Variants in MGAT4A observed in about 807,000 individuals in gnomAD.
MGAT4A encodes alpha-1,3-mannosyl-glycoprotein 4-beta-N-acetylglucosaminyltransferase A.
A neutral mutation model predicts 74.1 loss-of-function variants in MGAT4A; 33 were observed. The ratio of observed to expected loss-of-function variants is 0.45; its 90% CI spans 0.34 to 0.60. The LOEUF is 0.60. Among genes scored for constraint, MGAT4A ranks in the 20% least tolerant of loss-of-function variants. The probability of loss-of-function intolerance (pLI) is 0.02; values close to 1 mark genes in which losing one functional copy is unlikely to be tolerated. For synonymous variants in MGAT4A, 198 were observed against 210.4 expected (o/e 0.94, Z 0.51); for missense variants, 479 against 628.3 (o/e 0.76, Z 2.54).
chr2:98,665,807 C>T (rs1458257002), intron 4 of MGAT4A, among the ~76,000 whole-genome samples: 2 of 152,162 alleles, frequency 1.3e-5, no homozygotes, highest in Non-Finnish European at 2.9e-5. Flanking sequence ...GAGCTGGTAA[C>T]CATGAGAAAG....
intron 9 of MGAT4A, among the ~76,000 whole-genome samples, 185 bp downstream of exon 9, chr2:98,645,243 C>G (rs961643786): frequency 1.3e-5 from 2 of 152,146 alleles, no homozygotes; most frequent in African/African-American, 4.8e-5. Context: ...TTAGAAGTCT[C>G]CAAATTCTAT....
intron 2 of MGAT4A, among the ~76,000 whole-genome samples, chr2:98,724,721 C>G (rs1209247521): frequency 6.6e-6 from 1 of 151,084 alleles, no homozygotes; most frequent in East Asian, 1.9e-4. Context: ...TGCCATCTTT[C>G]AAATAAGGCA....
rs1701105429 is a variant in MGAT4A, at chr2:98,624,133, C to T, written c.*1433G>A. The T allele has an allele frequency of 1.5e-6, 1 of 680,824 alleles. No homozygotes were observed. The highest frequency in any genetic ancestry group is 1.8e-6 in the Non-Finnish European group (1 of 551,726). The allele number at this position is 680,824 out of a possible 1,614,324, so 42.2% of individuals were successfully genotyped here. The stretch of plus-strand genomic sequence containing the variant: ...GTTCACGCCATTCTCCTGCCTCAGC[C>T]TCCCAAGTAGCTGGGATTACAGGCA... On this transcript the variant is annotated 3_prime_UTR_variant, in exon 16 of 16. Transcript: ENST00000393487.
intron 14 of MGAT4A, among the ~76,000 whole-genome samples, chr2:98,627,919 T>C (rs755018017): frequency 2.6e-5 from 4 of 152,224 alleles, no homozygotes; most frequent in Non-Finnish European, 2.9e-5. Context: ...TTTTGTTCAA[T>C]GACATATGAC....
intron 2 of MGAT4A, among the ~76,000 whole-genome samples, chr2:98,681,471 T>C (rs1308788332): frequency 3.3e-5 from 5 of 152,192 alleles, no homozygotes; most frequent in South Asian, 4.1e-4. Context: ...CCATGTGTTA[T>C]ATGGTTTCAG....
At chr2:98,676,256 C>G (rs188037150) in intron 3 of MGAT4A, among the ~76,000 whole-genome samples, 101 of 152,052 alleles carry the variant, frequency 6.6e-4, no homozygotes, top group Non-Finnish European at 1.2e-3. Context: ...TAATCTCATG[C>G]GTAAAGAAAC....
At chr2:98,709,002 G>A (rs912936908) in intron 2 of MGAT4A, among the ~76,000 whole-genome samples, 7 of 152,158 alleles carry the variant, frequency 4.6e-5, no homozygotes, top group Non-Finnish European at 1.0e-4. Flanking sequence ...CCTGAGAGCC[G>A]ATTCAGGCTG....
At chr2:98,638,571 T>C (rs571039491) in intron 12 of MGAT4A, among the ~76,000 whole-genome samples, 1 of 152,360 alleles carries the variant, frequency 6.6e-6, no homozygotes, top group East Asian at 1.9e-4. Context: ...GCTCTCTGAG[T>C]GGTAAACAAT....
Position 98,718,281 on chromosome 2 carries a change from T to G in MGAT4A, c.94+7958A>C, listed in dbSNP as rs190772836. Among the ~76,000 whole-genome samples the G allele has an allele frequency of 5.9e-5, 9 of 152,336 alleles. No individual in the cohort carries two copies. In the East Asian group the frequency reaches 1.7e-3, roughly 29 times the overall value. ...GGTGCATCTAATGGTGTATTAAATT[T>G]GATGAAATCTGGTAATGAATAAAGC... is the stretch of plus-strand genomic sequence containing the variant. On this transcript the variant is annotated intron_variant, in intron 2 of 15. Transcript: ENST00000393487.
chr2:98,643,788 G>A, intron 10 of MGAT4A, 135 bp downstream of exon 10: 1 of 826,982 alleles, frequency 1.2e-6, no homozygotes, highest in Non-Finnish European at 1.7e-6. Context: ...TTCTAATATA[G>A]AAACTTTTTA....
intron 2 of MGAT4A, 175 bp downstream of exon 2, chr2:98,726,063 GA>G (rs1702758921): frequency 2.1e-6 from 1 of 481,936 alleles, no homozygotes; most frequent in Non-Finnish European, 3.7e-6. Context: ...ACTGGAATTA[GA>G]AATTCTGTGT....
intron 12 of MGAT4A, among the ~76,000 whole-genome samples, chr2:98,638,896 C>T (rs995820118): frequency 3.9e-5 from 6 of 152,230 alleles, no homozygotes; most frequent in African/African-American, 1.4e-4. Context: ...AAAGGAAACA[C>T]CACAGAGTGG....
At chr2:98,713,285 A>T (rs933236514) in intron 2 of MGAT4A, among the ~76,000 whole-genome samples, 8 of 151,924 alleles carry the variant, frequency 5.3e-5, no homozygotes, top group South Asian at 2.1e-4. Context: ...AAGATACAGA[A>T]TCTACTTTTC....
At chr2:98,694,930 AC>A (rs574752555) in intron 2 of MGAT4A, 6 of 149,694 alleles carry the variant, frequency 4.0e-5, no homozygotes, top group South Asian at 2.1e-4. Context: ...GAGAGATGCA[AC>A]CCCCCCCTTC....
At chr2:98,715,962 G>A (rs1486199993) in intron 2 of MGAT4A, among the ~76,000 whole-genome samples, 3 of 152,178 alleles carry the variant, frequency 2.0e-5, no homozygotes, top group Admixed American at 1.3e-4. Flanking sequence ...CCAAGTGATC[G>A]AAGCAAACAT....
At position 98,622,850 on chromosome 2, in the gene MGAT4A, G is replaced by T; in HGVS notation, c.*2716C>A. ...GAGTATGGCAACGACAGCAGGGAGA[G>T]GGAGTTAAGAGAGAGAAAGGGGGCT... On this transcript the variant is annotated 3_prime_UTR_variant, in exon 16 of 16. Coordinates refer to ENST00000393487, the MANE Select transcript of MGAT4A (RefSeq NM_012214.3). 4 of 985,662 alleles carry T rather than the reference G, an allele frequency of 4.1e-6. No homozygotes were observed. The highest frequency in any genetic ancestry group is 4.8e-6 in the Non-Finnish European group (4 of 830,202). 61.1% of individuals were successfully genotyped at this position (985,662 alleles called of 1,614,324 possible).
intron 10 of MGAT4A, among the ~76,000 whole-genome samples, chr2:98,641,160 A>C (rs957641045): frequency 2.0e-5 from 3 of 151,982 alleles, no homozygotes; most frequent in Non-Finnish European, 4.4e-5. Context: ...ATTTATTTAG[A>C]CTTTTCATTT....
At chr2:98,628,595 T>C (rs781755351) in intron 14 of MGAT4A, among the ~76,000 whole-genome samples, 5 of 152,228 alleles carry the variant, frequency 3.3e-5, no homozygotes, top group African/African-American at 4.8e-5. Flanking sequence ...TGACCACTGC[T>C]TTCCTGTGAG....
rs1371664394 is a variant in MGAT4A, at chr2:98,625,412, T to C, written c.*154A>G. 2 of 1,465,390 alleles carry C rather than the reference T, an allele frequency of 1.4e-6. No individual in the cohort carries two copies. The highest frequency in any genetic ancestry group is 2.5e-5 in the East Asian group (1 of 39,320). The allele number at this position is 1,465,390 out of a possible 1,614,324, so 90.8% of individuals were successfully genotyped here. Reference sequence around the variant, plus strand: ...TAGTTTCAAACAAATACAATTATTATGGGAGATTCACTTTCCAAGTGGAAA... The same window carrying C: ...TAGTTTCAAACAAATACAATTATTACGGGAGATTCACTTTCCAAGTGGAAA... On this transcript the variant is annotated 3_prime_UTR_variant, in exon 16 of 16. Coordinates refer to ENST00000393487, the MANE Select transcript of MGAT4A (RefSeq NM_012214.3).
Sources: gnomAD v4.1 joint callset for allele counts (sites outside exome capture counted in the v4.1 genomes callset) on GRCh38, gnomAD v4.1.1 for gene constraint, MANE v1.5 for transcripts, NCBI Gene and HGNC (gene_info 2026-07-23, HGNC 2026-07-21) for gene names.